OR7A5: variants seen among roughly 807,000 people sequenced by gnomAD.
The protein encoded by OR7A5 is olfactory receptor 7A5.
For synonymous variants in OR7A5, 140 were observed against 146.7 expected (o/e 0.95, Z 0.33); for missense variants, 319 against 377.9 (o/e 0.84, Z 1.29).
intron 1 of OR7A5, among the ~76,000 whole-genome samples, chr19:14,832,428 TC>T (rs1184323828): frequency 8.6e-5 from 13 of 150,622 alleles, no homozygotes; most frequent in Non-Finnish European, 1.3e-4. Flanking sequence ...CTTTCTTTTT[TC>T]TTTTCTTTTT....
At chr19:14,831,637 G>T (rs1260066091) in intron 1 of OR7A5, among the ~76,000 whole-genome samples, 1 of 151,966 alleles carries the variant, frequency 6.6e-6, no homozygotes, top group Non-Finnish European at 1.5e-5. Flanking sequence ...TAGAGATGGG[G>T]TTTCACCATG....
chr19:14,829,784 A>G (rs921150772), intron 1 of OR7A5, among the ~76,000 whole-genome samples: 7 of 152,106 alleles, frequency 4.6e-5, no homozygotes, highest in African/African-American at 1.7e-4. Context: ...TCTCCTTTAT[A>G]ATAAAATATA....
In OR7A5 at chr19:14,827,501, A is replaced by C. The variant is rs1490870237; in HGVS notation, c.741T>G (p.Val247=). 8 of 1,614,152 alleles carry C rather than the reference A, an allele frequency of 5.0e-6. No individual in the cohort carries two copies. Among genetic ancestry groups the C allele is most frequent in the Non-Finnish European group, 6.8e-6 (8 of 1,180,026 alleles). The part of the protein sequence containing the change: ...AFSTCASHLS[V]VSLFYGAILG... ...GGATTGCACCATAAAATAAGGAGACAACTGAGAGGTGAGATGCACAGGTGG... is the reference window on the plus strand; with the variant it reads ...GGATTGCACCATAAAATAAGGAGACCACTGAGAGGTGAGATGCACAGGTGG... The change falls in exon 2 of 2, where the codon GTT becomes GTG. Residue 247 remains valine, a synonymous_variant. Transcript: ENST00000322301.
intron 1 of OR7A5, among the ~76,000 whole-genome samples, chr19:14,829,273 AG>A (rs767861654): frequency 6.6e-6 from 1 of 152,226 alleles, no homozygotes; most frequent in African/African-American, 2.4e-5. Context: ...GCGCAATCTC[AG>A]ATCACTGCAA....
At position 14,830,282 on chromosome 19, in the gene OR7A5, G is replaced by A. The variant is rs143029319; in HGVS notation, c.-13-2028C>T. Among the ~76,000 whole-genome samples the A allele has an allele frequency of 3.3e-5, 5 of 152,262 alleles. No individual in the cohort carries two copies. In the East Asian group the frequency reaches 5.8e-4, roughly 18 times the overall value. ...CTTGGACTTCCATTTTGGTATGACT[G>A]TTTTCAGCCCTGTGTTTAAAGAAAC... On this transcript the variant is annotated intron_variant, in intron 1 of 1. Transcript: ENST00000322301.
chr19:14,830,469 G>A (rs961092494), intron 1 of OR7A5, among the ~76,000 whole-genome samples: 1 of 152,158 alleles, frequency 6.6e-6, no homozygotes, highest in Non-Finnish European at 1.5e-5. Flanking sequence ...AGGAGACAAA[G>A]GCTTGCTGGG....
In OR7A5 at chr19:14,827,863, A is replaced by T; in HGVS notation, c.379T>A (p.Cys127Ser). The change falls in exon 2 of 2, where the codon TGT becomes AGT. Residue 127 changes from cysteine to serine, a missense_variant. Cys to Ser is a moderately radical substitution (Grantham distance 112, BLOSUM62 -1). Coordinates refer to ENST00000322301, the MANE Select transcript of OR7A5 (RefSeq NM_017506.2). ...ATGACCATGTAGTGCAGGGGGTGAC[A>T]GATGGCCACAAACCGGTCATAGGCC... ...VMAYDRFVAI[C>S]HPLHYMVIMN... 1.2e-6 allele frequency: 2 copies of T among 1,614,240 alleles called. No individual in the cohort carries two copies. The highest frequency in any genetic ancestry group is 1.7e-6 in the Non-Finnish European group (2 of 1,180,042).
chr19:14,828,302 G>A, intron 1 of OR7A5, 48 bp from the exon 2 acceptor site: 1 of 1,502,546 alleles, frequency 6.7e-7, no homozygotes, highest in Non-Finnish European at 9.0e-7. Context: ...GGCATGCATT[G>A]CTAACCTTTC....
chr19:14,832,429 C>A (rs868279195), intron 1 of OR7A5, among the ~76,000 whole-genome samples: 14 of 95,662 alleles, frequency 1.5e-4, no homozygotes, highest in Non-Finnish European at 2.5e-4. Context: ...TTTCTTTTTT[C>A]TTTTCTTTTT....
Position 14,826,575 on chromosome 19 carries a change from A to T in OR7A5, c.*707T>A, listed in dbSNP as rs1040258663. 1 of 152,236 alleles carries T rather than the reference A, an allele frequency of 6.6e-6. No individual in the cohort carries two copies. Among genetic ancestry groups the T allele is most frequent in the Admixed American group, 6.5e-5 (1 of 15,278 alleles). The allele number at this position is 152,236 out of a possible 1,614,324, so 9.4% of individuals were successfully genotyped here. A position where few individuals can be genotyped will look rare whatever the true frequency, so the allele number is the denominator to read the frequency against. The stretch of plus-strand genomic sequence containing the variant: ...TGCACATCATAAAAACAAGTCTTCC[A>T]TAGCAATTCAATGTATGATTGACAA... On this transcript the variant is annotated 3_prime_UTR_variant, in exon 2 of 2. Transcript: ENST00000322301.
At chr19:14,828,337 T>A in intron 1 of OR7A5, 83 bp from the exon 2 acceptor site, 1 of 1,316,566 alleles carries the variant, frequency 7.6e-7, no homozygotes, top group South Asian at 1.5e-5. Context: ...TTATATTTTA[T>A]AGCCAATAAA....
rs752369539 is a variant in OR7A5, at chr19:14,827,331, T to A, written c.911A>T (p.His304Leu). ...CCCTTTCATTGTTCCCCACAACAAATGTATTCCCAGAGCCCTCTTTATGTC... is the reference window on the plus strand; with the variant it reads ...CCCTTTCATTGTTCCCCACAACAAAAGTATTCCCAGAGCCCTCTTTATGTC... ...NKDIKRALGI[H>L]LLWGTMKGQF... The change falls in exon 2 of 2, where the codon CAT becomes CTT. Residue 304 changes from histidine (H) to leucine (L), a missense_variant. Physicochemically the swap from His to Leu is moderately conservative, Grantham distance 99. Transcript: ENST00000322301. The A allele has an allele frequency of 6.9e-6, 11 of 1,585,014 alleles. No homozygotes were observed. In the East Asian group the frequency reaches 2.5e-4, roughly 35 times the overall value.
In OR7A5 at chr19:14,828,140, C is replaced by T. The variant is rs765683311; in HGVS notation, c.102G>A (p.Met34Ile). The change falls in exon 2 of 2, where the codon ATG becomes ATA. Residue 34 changes from methionine (M) to isoleucine (I), a missense_variant. Physicochemically the swap from Met to Ile is conservative, Grantham distance 10 (BLOSUM62 1). Coordinates refer to ENST00000322301, the MANE Select transcript of OR7A5 (RefSeq NM_017506.2). The part of the protein sequence containing the change: ...QPFLFGLFLS[M>I]YLVTVLGNLL... ...GGTTCCCGAGCACAGTGACCAGGTA[C>T]ATGGACAGGAACAGCCCAAAGAGGA... is the stretch of plus-strand genomic sequence containing the variant. 5 of 1,614,056 alleles carry T rather than the reference C, an allele frequency of 3.1e-6. No homozygotes were observed. Among genetic ancestry groups the T allele is most frequent in the Non-Finnish European group, 4.2e-6 (5 of 1,180,020 alleles).
intron 1 of OR7A5, 153 bp from the exon 2 acceptor site, chr19:14,828,407 A>G (rs1268221214): frequency 1.3e-6 from 1 of 751,008 alleles, no homozygotes; most frequent in Non-Finnish European, 2.1e-6. Context: ...GTCATCTCTG[A>G]TTAGGAACTC....
chr19:14,828,488 C>T (rs941475684), intron 1 of OR7A5, among the ~76,000 whole-genome samples: 3 of 152,030 alleles, frequency 2.0e-5, no homozygotes, highest in Admixed American at 1.3e-4. Context: ...TGGCTGGGCA[C>T]GGTGGCTTAT....
chr19:14,830,872 G>A (rs145479100), intron 1 of OR7A5, among the ~76,000 whole-genome samples: 8 of 152,184 alleles, frequency 5.3e-5, no homozygotes, highest in African/African-American at 1.4e-4. Context: ...TCCTGCACCC[G>A]TCTTATCACC....
Position 14,827,072 on chromosome 19 carries a change from G to GGTTTCTCTTGTTGT in OR7A5, c.*209_*210insACAACAAGAGAAAC, listed in dbSNP as rs2145075518. The GGTTTCTCTTGTTGT allele has an allele frequency of 2.4e-6, 1 of 422,342 alleles. No individual in the cohort carries two copies. Among genetic ancestry groups the GGTTTCTCTTGTTGT allele is most frequent in the East Asian group, 3.7e-5 (1 of 26,674 alleles). The allele number at this position is 422,342 out of a possible 1,614,324, so 26.2% of individuals were successfully genotyped here. A position where few individuals can be genotyped will look rare whatever the true frequency, so the allele number is the denominator to read the frequency against. ...CAAAGTCGGAAATAACCTTGAGAAA[G>GGTTTCTCTTGTTGT]TAGGAAAACAACAAAGAGAAAAAAC... On this transcript the variant is annotated 3_prime_UTR_variant, in exon 2 of 2. Transcript: ENST00000322301.
chr19:14,828,434 T>C lies in OR7A5; in HGVS notation c.-13-180A>G, dbSNP rs117611282. On this transcript the variant is annotated intron_variant, in intron 1 of 1. Transcript: ENST00000322301. ...TAGGAACTCCTTCCCACTCTCAGCC[T>C]TAACTGAAGACAGCGTACATTCTGC... 4.4e-3 allele frequency: 2,927 copies of C among 662,238 alleles called. 19 individuals carry two copies. The highest frequency in any genetic ancestry group is 6.3e-3 in the Non-Finnish European group (2,469 of 391,414). The allele number at this position is 662,238 out of a possible 1,614,324, so 41.0% of individuals were successfully genotyped here.
intron 1 of OR7A5, among the ~76,000 whole-genome samples, chr19:14,831,271 C>A (rs1335510055): frequency 6.6e-6 from 1 of 152,062 alleles, no homozygotes; most frequent in Non-Finnish European, 1.5e-5. Context: ...AAGAAACATA[C>A]AAACAATGAC....
Sources: gnomAD v4.1 joint callset for allele counts (sites outside exome capture counted in the v4.1 genomes callset) on GRCh38, gnomAD v4.1.1 for gene constraint, MANE v1.5 for transcripts, NCBI Gene and HGNC (gene_info 2026-07-23, HGNC 2026-07-21) for gene names.